Variants in ARHGEF10 observed in about 807,000 individuals in gnomAD.
The protein encoded by ARHGEF10 is Rho guanine nucleotide exchange factor (GEF) 10.
ARHGEF10 carries 140 observed loss-of-function variants against 147.4 expected under a neutral mutation model. The ratio of observed to expected loss-of-function variants is 0.95; its 90% confidence interval spans 0.83 to 1.09. The LOEUF (loss-of-function observed/expected upper bound fraction) is 1.09. Ranked by LOEUF, ARHGEF10 falls within the 50% of genes least tolerant of loss-of-function variation. The pLI is 0.00. For synonymous variants in ARHGEF10, 902 were observed against 695.8 expected, an observed-to-expected ratio of 1.30 and a Z score of -4.67; for missense variants, 2,222 against 1,752.7, an observed-to-expected ratio of 1.27 and a Z score of -4.78.
chr8:1,950,400 G>A (rs1169767485), intron 27 of ARHGEF10, among the ~76,000 whole-genome samples: 1 of 152,238 alleles, frequency 6.6e-6, no homozygotes, highest in Non-Finnish European at 1.5e-5. Context: ...TTGGCAGACT[G>A]CTTGGAAAAT....
chr8:1,895,755 G>C (rs1220948621), intron 13 of ARHGEF10, among the ~76,000 whole-genome samples: 1 of 152,198 alleles, frequency 6.6e-6, no homozygotes, highest in African/African-American at 2.4e-5. Context: ...CGGTTTCTTA[G>C]AATAACATGG....
intron 26 of ARHGEF10, among the ~76,000 whole-genome samples, chr8:1,934,230 G>A (rs1017867936): frequency 1.3e-5 from 2 of 151,962 alleles, no homozygotes; most frequent in East Asian, 1.9e-4. Flanking sequence ...GTTGCACACC[G>A]GTAGTCCCAA....
chr8:1,892,829 A>C (rs970691937), intron 11 of ARHGEF10, among the ~76,000 whole-genome samples: 8 of 152,112 alleles, frequency 5.3e-5, no homozygotes, highest in Admixed American at 2.0e-4. Flanking sequence ...GGCAAATTGG[A>C]AGTACAATGA....
chr8:1,877,081 A>G (rs1411773093), intron 8 of ARHGEF10, among the ~76,000 whole-genome samples: 5 of 152,220 alleles, frequency 3.3e-5, no homozygotes, highest in Non-Finnish European at 7.3e-5. Flanking sequence ...AATAGATGGG[A>G]TCGGGGTTCC....
chr8:1,904,967 A>G (rs1164215442), intron 16 of ARHGEF10, among the ~76,000 whole-genome samples: 1 of 152,182 alleles, frequency 6.6e-6, no homozygotes, highest in Non-Finnish European at 1.5e-5. Context: ...CTAAAAATAC[A>G]AAAAGAAACA....
At chr8:1,924,797 C>G (rs1563293313) in intron 21 of ARHGEF10, among the ~76,000 whole-genome samples, 1 of 152,208 alleles carries the variant, frequency 6.6e-6, no homozygotes, top group Non-Finnish European at 1.5e-5. Context: ...TTCAGATCAG[C>G]TATATATTCT....
At chr8:1,931,290 T>C (rs1260295863) in intron 25 of ARHGEF10, among the ~76,000 whole-genome samples, 1 of 152,234 alleles carries the variant, frequency 6.6e-6, no homozygotes, top group African/African-American at 2.4e-5. Context: ...TTTTTCTGTT[T>C]TTCTAATTTC....
rs192886179 is a variant in ARHGEF10 at position 1,946,634 on chromosome 8, G to T, written c.3397+979G>T. On this transcript the variant is annotated intron_variant, in intron 27 of 28. Coordinates refer to ENST00000349830, the MANE Select transcript of ARHGEF10 (RefSeq NM_014629.4). Reference sequence around the variant, plus strand: ...CACGTCCCCAAAGCCCCGCCTCCTCGCACCATCCCACTGCGGGCAGGGCTT... The same window carrying T: ...CACGTCCCCAAAGCCCCGCCTCCTCTCACCATCCCACTGCGGGCAGGGCTT... Among the ~76,000 whole-genome samples, 53 of 152,310 alleles carry T rather than the reference G, an allele frequency of 3.5e-4. No homozygotes were observed. The East Asian group carries it at 8.3e-3, about 24-fold the overall frequency.
At chr8:1,862,744 T>C (rs1157922939) in intron 4 of ARHGEF10, among the ~76,000 whole-genome samples, 2 of 151,970 alleles carry the variant, frequency 1.3e-5, no homozygotes, top group Non-Finnish European at 2.9e-5. Context: ...TTTGTGGCTC[T>C]TTGGGTGTTT....
chr8:1,907,111 C>G (rs996015432), intron 17 of ARHGEF10, among the ~76,000 whole-genome samples: 3 of 152,132 alleles, frequency 2.0e-5, no homozygotes, highest in Admixed American at 6.5e-5. Context: ...CTGGAGAACT[C>G]CAGGTGTGGG....
chr8:1,888,175 G>GAGTAGGGTGAATGTTTTGAGGAGACACTT (rs1808902394), intron 11 of ARHGEF10, among the ~76,000 whole-genome samples: 1 of 28,856 alleles, frequency 3.5e-5, no homozygotes, highest in African/African-American at 2.3e-4. Flanking sequence ...AGGAGACAGT[G>GAGTAGGGTGAATGTTTTGAGGAGACACTT]AGTGGGGTGA....
At chr8:1,890,568 ACTG>A in intron 11 of ARHGEF10, among the ~76,000 whole-genome samples, 2 of 144,166 alleles carry the variant, frequency 1.4e-5, no homozygotes, top group African/African-American at 5.4e-5. Context: ...TTGAGGAGTC[ACTG>A]AGTGTGTAAG....
At chr8:1,873,068 C>T (rs1397151977) in intron 7 of ARHGEF10, among the ~76,000 whole-genome samples, 9 of 152,232 alleles carry the variant, frequency 5.9e-5, no homozygotes, top group Non-Finnish European at 1.0e-4. Flanking sequence ...CCGTCGGCCC[C>T]CTGCCGTGTG....
chr8:1,921,721 G>A (rs1258698450), intron 18 of ARHGEF10, among the ~76,000 whole-genome samples: 1 of 145,518 alleles, frequency 6.9e-6, no homozygotes, highest in Non-Finnish European at 1.5e-5. Flanking sequence ...GGGGACAAGA[G>A]CGACACTTCG....
chr8:1,924,793 T>G (rs978770575), intron 21 of ARHGEF10, among the ~76,000 whole-genome samples: 16 of 152,234 alleles, frequency 1.1e-4, no homozygotes, highest in African/African-American at 3.9e-4. Flanking sequence ...CGTCTTCAGA[T>G]CAGCTATATA....
chr8:1,932,468 A>G (rs781542839), intron 25 of ARHGEF10, among the ~76,000 whole-genome samples: 5 of 151,736 alleles, frequency 3.3e-5, no homozygotes, highest in African/African-American at 7.3e-5. Context: ...GCATGTGTGT[A>G]TGTGTGTGAC....
chr8:1,895,101 C>G (rs901655494), intron 13 of ARHGEF10, among the ~76,000 whole-genome samples: 2 of 152,064 alleles, frequency 1.3e-5, no homozygotes, highest in African/African-American at 4.8e-5. Flanking sequence ...GCTTTCGGCC[C>G]TATGCTGTGA....
At chr8:1,885,355 C>T (rs1028475953) in intron 10 of ARHGEF10, among the ~76,000 whole-genome samples, 2 of 152,162 alleles carry the variant, frequency 1.3e-5, no homozygotes, top group African/African-American at 2.4e-5. Context: ...AATGGCACTT[C>T]TCCTTTTTGA....
intron 1 of ARHGEF10, among the ~76,000 whole-genome samples, chr8:1,833,550 C>G (rs575982576): frequency 1.9e-4 from 29 of 152,210 alleles, no homozygotes; most frequent in Non-Finnish European, 3.8e-4. Context: ...ACGGCTGCCT[C>G]TGGCTCTTCT....
Sources: gnomAD v4.1 joint callset for allele counts (sites outside exome capture counted in the v4.1 genomes callset) on GRCh38, gnomAD v4.1.1 for gene constraint, MANE v1.5 for transcripts, NCBI Gene and HGNC (gene_info 2026-07-23, HGNC 2026-07-21) for gene names.